The following LILRA1 variants were observed in gnomAD, a reference collection of about 807,000 sequenced individuals.
LILRA1 encodes leukocyte immunoglobulin like receptor A1.
Under a neutral mutation model 51.6 loss-of-function variants are expected in LILRA1, and 51 were observed. The observed-to-expected ratio is 0.99, with a 90% CI of 0.79 to 1.25. The LOEUF is 1.25. Ranked by LOEUF, LILRA1 falls within the 50% of genes most tolerant of loss-of-function variation. LILRA1 has a pLI of 0.00. For missense variants in LILRA1, 660 were observed against 611.7 expected (o/e 1.08, Z -0.83); for synonymous variants, 305 against 248.4 (o/e 1.23, Z -2.14).
chr19:54,594,875 G>T lies in LILRA1; in HGVS notation c.281G>T (p.Gly94Val). ...CCATCCATCACCTGGGAACACACAG[G>T]GCGGTATCGCTGTTTCTACGGTAGC... Reference protein sequence around the residue: ...PIPSITWEHTGRYRCFYGSHT... With the variant: ...PIPSITWEHTVRYRCFYGSHT... The change falls in exon 4 of 10, where the codon GGG becomes GTG. Residue 94 changes from glycine to valine, a missense_variant. Coordinates refer to ENST00000251372, the MANE Select transcript of LILRA1 (RefSeq NM_006863.4). The T allele has an allele frequency of 6.2e-7, 1 of 1,614,146 alleles. No homozygotes were observed. The highest frequency in any genetic ancestry group is 2.2e-5 in the East Asian group (1 of 44,874).
At position 54,596,408 on chromosome 19, in the gene LILRA1, G is replaced by A. The variant is rs1433546545; in HGVS notation, c.1178G>A (p.Gly393Glu). 3.1e-6 allele frequency: 5 copies of A among 1,614,076 alleles called. No individual in the cohort carries two copies. Among genetic ancestry groups the A allele is most frequent in the Non-Finnish European group, 4.2e-6 (5 of 1,179,998 alleles). ...PMSPVTSAHS[G>E]TYRCYGSLSS... Reference sequence around the variant, plus strand: ...AGTCCTGTGACCTCAGCCCACTCGGGGACCTACAGGTGCTACGGCTCACTC... The same window carrying A: ...AGTCCTGTGACCTCAGCCCACTCGGAGACCTACAGGTGCTACGGCTCACTC... Residue 393 changes from glycine to glutamate, a missense_variant, in exon 7 of 10, where the codon GGG becomes GAG. Coordinates refer to ENST00000251372, the MANE Select transcript of LILRA1 (RefSeq NM_006863.4).
In LILRA1 at chr19:54,596,406, G is replaced by A. The variant is rs755106485; in HGVS notation, c.1176G>A (p.Ser392=). Residue 392 remains serine, a synonymous_variant, in exon 7 of 10, where the codon TCG becomes TCA. Coordinates refer to ENST00000251372, the MANE Select transcript of LILRA1 (RefSeq NM_006863.4). The stretch of plus-strand genomic sequence containing the variant: ...TGAGTCCTGTGACCTCAGCCCACTC[G>A]GGGACCTACAGGTGCTACGGCTCAC... The part of the protein sequence containing the change: ...FPMSPVTSAH[S]GTYRCYGSLS... 1.2e-5 allele frequency: 20 copies of A among 1,613,764 alleles called. No individual in the cohort carries two copies. Among genetic ancestry groups the A allele is most frequent in the Middle Eastern group, 1.6e-4 (1 of 6,084 alleles).
chr19:54,594,172 T>C, intron 1 of LILRA1, 25 bp from the exon 2 acceptor site: 1 of 1,099,926 alleles, frequency 9.1e-7, no homozygotes, highest in Non-Finnish European at 1.4e-6. Context: ...AGGCTATTTC[T>C]CTCTGTGTGT....
intron 4 of LILRA1, 51 bp from the exon 5 acceptor site, chr19:54,595,049 T>G: frequency 6.2e-7 from 1 of 1,601,312 alleles, no homozygotes; most frequent in Non-Finnish European, 8.5e-7. Context: ...GCCCTGGGGA[T>G]GAAGTGGGAG....
chr19:54,598,224 A>C (rs185586214), intron 7 of LILRA1, among the ~76,000 whole-genome samples: 305 of 152,122 alleles, frequency 2.0e-3, no homozygotes, highest in African/African-American at 7.2e-3. Flanking sequence ...TCAATATATA[A>C]ATTTATATTT....
intron 7 of LILRA1, among the ~76,000 whole-genome samples, chr19:54,597,760 C>T (rs1274680618): frequency 6.6e-6 from 1 of 151,842 alleles, no homozygotes; most frequent in Non-Finnish European, 1.5e-5. Context: ...TGGGCCATCT[C>T]AAGACAAGAG....
rs753339975 is a variant in LILRA1 at position 54,596,279 on chromosome 19, G to C, written c.1049G>C (p.Gly350Ala). The C allele has an allele frequency of 2.5e-6, 4 of 1,613,974 alleles. No homozygotes were observed. The highest frequency in any genetic ancestry group is 2.5e-6 in the Non-Finnish European group (3 of 1,180,030). ...ENVTLLCQSW[G>A]PFHTFLLTKA... ...GTGACCCTGCTGTGTCAGTCATGGG[G>C]GCCGTTCCACACTTTCCTTCTGACC... The change falls in exon 7 of 10, where the codon GGG (glycine) becomes GCG (alanine). Residue 350 changes from glycine to alanine, a missense_variant. By Grantham distance (60) the Gly-to-Ala change is moderately conservative. Coordinates refer to ENST00000251372, the MANE Select transcript of LILRA1 (RefSeq NM_006863.4).
At chr19:54,600,079 C>T (rs1352830719) in intron 8 of LILRA1, among the ~76,000 whole-genome samples, 1 of 152,154 alleles carries the variant, frequency 6.6e-6, no homozygotes, top group African/African-American at 2.4e-5. Flanking sequence ...GAAGCACCCC[C>T]AGACTTTCAC....
In LILRA1 at chr19:54,594,826, G is replaced by A; in HGVS notation, c.232G>A (p.Val78Met). Residue 78 changes from valine (V) to methionine (M), a missense_variant, in exon 4 of 10, where the codon GTG (valine) becomes ATG (methionine). By Grantham distance (21) the Val-to-Met change is conservative. Transcript: ENST00000251372. ...GATTACACGGATCCCACAGGAGATT[G>A]TGAAGAAGGGCCAGTTCCCCATCCC... ...PWITRIPQEI[V>M]KKGQFPIPSI... 1 of 1,614,144 alleles carries A rather than the reference G, an allele frequency of 6.2e-7. No homozygotes were observed.
At chr19:54,596,100 T>G (rs575187150) in intron 6 of LILRA1, 89 bp from the exon 7 acceptor site, 112 of 1,500,776 alleles carry the variant, frequency 7.5e-5, no homozygotes, top group Non-Finnish European at 9.1e-5. Context: ...AAAACAGAGA[T>G]AGAGACTGAG....
chr19:54,596,615 C>A (rs1443948376), intron 7 of LILRA1, 124 bp downstream of exon 7: 2 of 1,375,296 alleles, frequency 1.5e-6, no homozygotes, highest in African/African-American at 1.5e-5. Flanking sequence ...CACCTGTAAT[C>A]CCAGCACTTT....
intron 8 of LILRA1, chr19:54,599,593 G>A (rs1452475020): frequency 1.8e-6 from 2 of 1,097,844 alleles, no homozygotes; most frequent in Non-Finnish European, 2.2e-6. Context: ...AATACAATTT[G>A]TATAAACCGT....
In LILRA1 at chr19:54,600,970, T is replaced by C; in HGVS notation, c.*153T>C. On this transcript the variant is annotated 3_prime_UTR_variant, in exon 10 of 10. Transcript: ENST00000251372. ...TGCCAATCATTTTTAGAGGGAGGAA[T>C]CAGTGTTGGATTGCAGAGACATTTT... 1 of 830,268 alleles carries C rather than the reference T, an allele frequency of 1.2e-6. No homozygotes were observed. Among genetic ancestry groups the C allele is most frequent in the African/African-American group, 1.7e-5 (1 of 59,130 alleles). The allele number at this position is 830,268 out of a possible 1,614,324, so 51.4% of individuals were successfully genotyped here.
chr19:54,594,019 T>C lies in LILRA1; in HGVS notation c.-48-178T>C, dbSNP rs1267812301. Among the ~76,000 whole-genome samples the C allele has an allele frequency of 4.6e-3, 691 of 150,800 alleles. 4 individuals are homozygous for C. Among genetic ancestry groups the C allele is most frequent in the South Asian group, 0.018 (86 of 4,668 alleles). On this transcript the variant is annotated intron_variant, in intron 1 of 9. Coordinates refer to ENST00000251372, the MANE Select transcript of LILRA1 (RefSeq NM_006863.4). Reference sequence around the variant, plus strand: ...CAGTCTGAAATGTCTGCAGAGGGCCTGGTTCCTGCCCCCACCTCAGCTCTA... The same window carrying C: ...CAGTCTGAAATGTCTGCAGAGGGCCCGGTTCCTGCCCCCACCTCAGCTCTA...
rs529375145 is a variant in LILRA1, at chr19:54,594,884, G to A, written c.290G>A (p.Arg97His). The A allele has an allele frequency of 1.1e-5, 18 of 1,614,122 alleles. No homozygotes were observed. Among genetic ancestry groups the A allele is most frequent in the Admixed American group, 5.0e-5 (3 of 60,022 alleles). The change falls in exon 4 of 10, where the codon CGC (arginine) becomes CAC (histidine). Residue 97 changes from arginine to histidine, a missense_variant. Arg to His is a conservative substitution (Grantham distance 29). Transcript: ENST00000251372. ...SITWEHTGRY[R>H]CFYGSHTAGW... is the part of the protein sequence containing the mutation. ...ACCTGGGAACACACAGGGCGGTATC[G>A]CTGTTTCTACGGTAGCCACACTGCA...
rs192505529 is a variant in LILRA1 at position 54,594,294 on chromosome 19, G to A, written c.34+16G>A. The stretch of plus-strand genomic sequence containing the variant: ...ATCTGTCTCAGTGAGATTTGAAGAG[G>A]GAGGGGAGCTTCTAACCTAGGAGGG... On this transcript the variant is annotated intron_variant, in intron 2 of 9. Coordinates refer to ENST00000251372, the MANE Select transcript of LILRA1 (RefSeq NM_006863.4). 2 of 1,612,716 alleles carry A rather than the reference G, an allele frequency of 1.2e-6. No individual in the cohort carries two copies. The highest frequency in any genetic ancestry group is 1.1e-5 in the South Asian group (1 of 90,924).
At position 54,595,701 on chromosome 19, in the gene LILRA1, C is replaced by G; in HGVS notation, c.724C>G (p.Leu242Val). 6.2e-7 allele frequency: 1 copy of G among 1,614,016 alleles called. No individual in the cohort carries two copies. Among genetic ancestry groups the G allele is most frequent in the Non-Finnish European group, 8.5e-7 (1 of 1,179,950 alleles). Residue 242 changes from leucine to valine, a missense_variant, in exon 6 of 10, where the codon CTG becomes GTG. By Grantham distance (32) the Leu-to-Val change is conservative. Transcript: ENST00000251372. ...TCCTATAGTGGCCCCTGGGGAGAGC[C>G]TGACCCTCCAGTGTGTTTCTGATGT... Reference protein sequence around the residue: ...PGPIVAPGESLTLQCVSDVSY... With the variant: ...PGPIVAPGESVTLQCVSDVSY...
intron 7 of LILRA1, among the ~76,000 whole-genome samples, chr19:54,598,292 A>G (rs2063100775): frequency 6.6e-6 from 1 of 152,044 alleles, no homozygotes; most frequent in Admixed American, 6.5e-5. Context: ...TTTGCCTTTC[A>G]TTGGGGCTTG....
intron 7 of LILRA1, among the ~76,000 whole-genome samples, chr19:54,598,136 A>G (rs2063097817): frequency 6.6e-6 from 1 of 151,864 alleles, no homozygotes; most frequent in Admixed American, 6.5e-5. Context: ...TATGTCATTC[A>G]TTTCTACACT....
Sources: gnomAD v4.1 joint callset for allele counts (sites outside exome capture counted in the v4.1 genomes callset) on GRCh38, gnomAD v4.1.1 for gene constraint, MANE v1.5 for transcripts, NCBI Gene and HGNC (gene_info 2026-07-23, HGNC 2026-07-21) for gene names.